Variants in DENND4A observed in about 807,000 individuals in gnomAD.
DENND4A encodes the protein DENN domain containing 4A.
A neutral mutation model predicts 199.3 loss-of-function variants in DENND4A; 70 were observed. That is an observed-to-expected ratio of 0.35 (90% confidence interval 0.29 to 0.43). The LOEUF is 0.43. DENND4A is among the 20% of genes least tolerant of loss of function. The probability of loss-of-function intolerance (pLI) is 1.00; values close to 1 mark genes in which losing one functional copy is unlikely to be tolerated. For synonymous variants in DENND4A, 686 were observed against 766.9 expected (o/e 0.89, Z 1.74); for missense variants, 1,723 against 2,255.8 (o/e 0.76, Z 4.78).
intron 5 of DENND4A, among the ~76,000 whole-genome samples, chr15:65,739,617 A>G (rs1282323892): frequency 6.6e-6 from 1 of 152,206 alleles, no homozygotes; most frequent in Non-Finnish European, 1.5e-5. Flanking sequence ...GACAGCCACA[A>G]AGACAAAAAG....
chr15:65,746,829 T>C (rs2076412682), intron 4 of DENND4A, among the ~76,000 whole-genome samples: 1 of 151,376 alleles, frequency 6.6e-6, no homozygotes, highest in Admixed American at 6.6e-5. Flanking sequence ...TCCCAGCACT[T>C]TGGGAGGCCG....
In DENND4A at chr15:65,666,770, C is replaced by A. The variant is rs866329580; in HGVS notation, c.5241+679G>T. On this transcript the variant is annotated intron_variant, in intron 29 of 32. Coordinates refer to ENST00000443035, the MANE Select transcript of DENND4A (RefSeq NM_001320835.1). ...CTCCAGTCTGGGTGACAGGGCGAGA[C>A]CTTGTGTCAAAAAAAAAAAAAAAAA... is the stretch of plus-strand genomic sequence containing the variant. Among the ~76,000 whole-genome samples the A allele has an allele frequency of 9.0e-5, 12 of 132,798 alleles. No homozygotes were observed. The South Asian group carries it at 3.1e-3, about 34-fold the overall frequency. The allele number at this position is 132,798 out of a possible 152,430, so 87.1% of individuals were successfully genotyped here.
Position 65,670,048 on chromosome 15 carries a change from C to T in DENND4A, c.4605G>A (p.Leu1535=). 2 of 1,595,588 alleles carry T rather than the reference C, an allele frequency of 1.3e-6. No individual in the cohort carries two copies. The highest frequency in any genetic ancestry group is 1.7e-4 in the Middle Eastern group (1 of 5,968). ...GTCTTAAATCTCTTATTTCTATATT[C>T]AGAAAGGGTAAGAAGATATTGCCAC... ...PFCGNIFLPF[L]NIEIRDLRRP... is the part of the protein sequence containing the mutation. The change falls in exon 26 of 33, where the codon CTG becomes CTA. Residue 1535 remains leucine (L), a synonymous_variant. Coordinates refer to ENST00000443035, the MANE Select transcript of DENND4A (RefSeq NM_001320835.1).
intron 23 of DENND4A, among the ~76,000 whole-genome samples, chr15:65,682,662 A>T (rs919863947): frequency 1.3e-5 from 2 of 152,226 alleles, no homozygotes; most frequent in Non-Finnish European, 2.9e-5. Flanking sequence ...TTGGTGCAGG[A>T]GACCTCACTT....
intron 1 of DENND4A, chr15:65,771,645 C>T: frequency 1.2e-6 from 2 of 1,612,202 alleles, no homozygotes; most frequent in Non-Finnish European, 1.7e-6. Context: ...CTATAACCAG[C>T]TCTTCCATTT....
At chr15:65,766,528 G>T (rs2076991294) in intron 1 of DENND4A, 1 of 152,148 alleles carries the variant, frequency 6.6e-6, no homozygotes, top group African/African-American at 2.4e-5. Flanking sequence ...CAAAAATATG[G>T]TATTGTGGGA....
chr15:65,765,277 A>C (rs1268101453), intron 1 of DENND4A, among the ~76,000 whole-genome samples: 2 of 152,210 alleles, frequency 1.3e-5, no homozygotes, highest in East Asian at 3.8e-4. Flanking sequence ...GGAATAGAAA[A>C]TTTATAAAAT....
intron 4 of DENND4A, among the ~76,000 whole-genome samples, chr15:65,746,072 C>A (rs149020667): frequency 1.3e-5 from 2 of 150,556 alleles, no homozygotes; most frequent in African/African-American, 4.9e-5. Flanking sequence ...ACCCAGGAGG[C>A]GGAGGTTGCG....
chr15:65,703,610 G>A (rs943994037), intron 15 of DENND4A, among the ~76,000 whole-genome samples: 1 of 152,198 alleles, frequency 6.6e-6, no homozygotes, highest in Non-Finnish European at 1.5e-5. Flanking sequence ...GGTTAGAATA[G>A]GTGCTCTATT....
chr15:65,782,949 C>G (rs1037553081), intron 1 of DENND4A, among the ~76,000 whole-genome samples: 1 of 148,538 alleles, frequency 6.7e-6, no homozygotes, highest in African/African-American at 2.5e-5. Flanking sequence ...TCAGGAAATA[C>G]TACTGATGGA....
Position 65,659,295 on chromosome 15 carries a change from G to A in DENND4A, c.*2556C>T, listed in dbSNP as rs1411488898. On this transcript the variant is annotated 3_prime_UTR_variant, in exon 33 of 33. Coordinates refer to ENST00000443035, the MANE Select transcript of DENND4A (RefSeq NM_001320835.1). ...AAAATTGAAGAAAAGTTTGTATAGA[G>A]TTATTTTAAATGATTGATATTTTCT... 2 of 113,374 alleles carry A rather than the reference G, an allele frequency of 1.8e-5. 1 individual carries two copies. Among genetic ancestry groups the A allele is most frequent in the East Asian group, 6.9e-4 (2 of 2,888 alleles). The allele number at this position is 113,374 out of a possible 1,614,324, so 7.0% of individuals were successfully genotyped here.
At chr15:65,718,826 C>A (rs2140286975) in intron 12 of DENND4A, among the ~76,000 whole-genome samples, 1 of 120,750 alleles carries the variant, frequency 8.3e-6, no homozygotes, top group Non-Finnish European at 1.6e-5. Context: ...GTCACCCAGG[C>A]TGGAGTACAG....
chr15:65,757,308 C>T (rs1180212402), intron 2 of DENND4A, among the ~76,000 whole-genome samples: 2 of 151,084 alleles, frequency 1.3e-5, no homozygotes, highest in Non-Finnish European at 2.9e-5. Context: ...GTCTTGAACT[C>T]CTGGGGTCAA....
At chr15:65,696,692 A>G in intron 21 of DENND4A, 195 bp from the exon 22 acceptor site, 1 of 380,440 alleles carries the variant, frequency 2.6e-6, no homozygotes. Context: ...AGATCAAACT[A>G]CTGAATACTG....
In DENND4A at chr15:65,671,692, T is replaced by C. The variant is rs554104340; in HGVS notation, c.4464+100A>G. 7.0e-6 allele frequency: 6 copies of C among 862,502 alleles called. No individual in the cohort carries two copies. The African/African-American group carries it at 9.9e-5, about 14-fold the overall frequency. 53.4% of individuals were successfully genotyped at this position (862,502 alleles called of 1,614,324 possible). ...GGCGTGAGCCACCGCGCCCAGCCTA[T>C]GTATTTAACTTCTATTACTCTACCT... On this transcript the variant is annotated intron_variant, in intron 25 of 32. Transcript: ENST00000443035.
chr15:65,771,115 A>C, intron 1 of DENND4A: 1 of 1,466,398 alleles, frequency 6.8e-7, no homozygotes, highest in Non-Finnish European at 9.2e-7. Context: ...GATGAAACTA[A>C]ACTTACTTAC....
intron 4 of DENND4A, among the ~76,000 whole-genome samples, chr15:65,742,718 C>A (rs1381982462): frequency 6.6e-6 from 1 of 152,126 alleles, no homozygotes; most frequent in African/African-American, 2.4e-5. Context: ...GGATTACAGG[C>A]GTGAGCCACT....
At chr15:65,696,235 G>T in intron 22 of DENND4A, 131 bp downstream of exon 22, 3 of 1,121,132 alleles carry the variant, frequency 2.7e-6, no homozygotes, top group Non-Finnish European at 3.7e-6. Context: ...ACTAAGCTAT[G>T]CCATGAGAGG....
intron 14 of DENND4A, 40 bp from the exon 15 acceptor site, chr15:65,706,264 TGGTTAGCCAAGTGTTCATATAAA>T: frequency 6.9e-7 from 1 of 1,441,744 alleles, no homozygotes; most frequent in Non-Finnish European, 9.1e-7. Context: ...AAAGCCACAT[TGGTTAGCCAAGTGTTCATATAAA>T]GGGAAGTGGT....
Sources: gnomAD v4.1 joint callset for allele counts (sites outside exome capture counted in the v4.1 genomes callset) on GRCh38, gnomAD v4.1.1 for gene constraint, MANE v1.5 for transcripts, NCBI Gene and HGNC (gene_info 2026-07-23, HGNC 2026-07-21) for gene names.